The following PKDREJ variants were observed in gnomAD, a reference collection of about 807,000 sequenced individuals.
PKDREJ encodes polycystin family receptor for egg jelly, also known as PKD and REJ homolog.
For synonymous variants in PKDREJ, 1,031 were observed against 1,095.5 expected, an observed-to-expected ratio of 0.94 and a Z score of 1.16; for missense variants, 2,507 against 2,807.2, an observed-to-expected ratio of 0.89 and a Z score of 2.42.
Position 46,256,670 on chromosome 22 carries a change from T to G in PKDREJ, c.6653A>C (p.Glu2218Ala), listed in dbSNP as rs759617500. ...TSQSKAKDEP[E>A]FFIDMLYGQP... Reference sequence around the variant, plus strand: ...CCCATACAGCATGTCAATAAAGAACTCAGGCTCATCTTTGGCCTTAGATTG... The same window carrying G: ...CCCATACAGCATGTCAATAAAGAACGCAGGCTCATCTTTGGCCTTAGATTG... The change falls in exon 1 of 1, where the codon GAG (glutamate) becomes GCG (alanine). Residue 2218 changes from glutamate to alanine, a missense_variant. By Grantham distance (107) the Glu-to-Ala change is moderately radical (BLOSUM62 -1). Coordinates refer to ENST00000253255, the MANE Select transcript of PKDREJ (RefSeq NM_006071.2). This position sits in a 1 kb window ranked among gnomAD's most constrained non-coding sequence, Gnocchi z 5.3. 34 of 1,614,124 alleles carry G rather than the reference T, an allele frequency of 2.1e-5. No individual in the cohort carries two copies. The Admixed American group carries it at 5.2e-4, about 25-fold the overall frequency.
At position 46,259,812 on chromosome 22, in the gene PKDREJ, C is replaced by G. The variant is rs1047070112; in HGVS notation, c.3511G>C (p.Asp1171His). 6.2e-7 allele frequency: 1 copy of G among 1,613,758 alleles called. No individual in the cohort carries two copies. Among genetic ancestry groups the G allele is most frequent in the African/African-American group, 1.3e-5 (1 of 74,880 alleles). ...CTCTTGATGATGTTTAACCGTAGAT[C>G]CACAGGATTAGGGATCACAATCACC... ...AKVIVIPNPV[D>H]LRLNIIKSLH... Residue 1171 changes from aspartate (D) to histidine (H), a missense_variant, in exon 1 of 1, where the codon GAT becomes CAT. Asp to His is a moderately conservative substitution (Grantham distance 81). Transcript: ENST00000253255. This position sits in a 1 kb window ranked among gnomAD's most constrained non-coding sequence, Gnocchi z 6.8.
In PKDREJ at chr22:46,262,986, C is replaced by G; in HGVS notation, c.337G>C (p.Val113Leu). 1.9e-6 allele frequency: 2 copies of G among 1,075,566 alleles called. No homozygotes were observed. The highest frequency in any genetic ancestry group is 1.0e-4 in the Admixed American group (2 of 19,882). 66.6% of individuals were successfully genotyped at this position (1,075,566 alleles called of 1,614,324 possible). A position where few individuals can be genotyped will look rare whatever the true frequency, so the allele number is the denominator to read the frequency against. The change falls in exon 1 of 1, where the codon GTC becomes CTC. Residue 113 changes from valine (V) to leucine (L), a missense_variant. Physicochemically the swap from Val to Leu is conservative, Grantham distance 32 (BLOSUM62 1). Transcript: ENST00000253255. This position sits in a 1 kb window ranked among gnomAD's most constrained non-coding sequence, Gnocchi z 8.1. ...CCGCGCGCGGAGAGCTGCAGGTCGA[C>G]GAGCGCGAGCGCGGGCGCGGCCGGC... ...PWPAAPALALVDLQLSARGGR... is the reference protein window; with the variant it reads ...PWPAAPALALLDLQLSARGGR...
chr22:46,263,046 A>G lies in PKDREJ; in HGVS notation c.277T>C (p.Leu93=), dbSNP rs1936717587. 5 of 1,332,470 alleles carry G rather than the reference A, an allele frequency of 3.8e-6. No individual in the cohort carries two copies. Among genetic ancestry groups the G allele is most frequent in the Non-Finnish European group, 4.9e-6 (5 of 1,030,588 alleles). 82.5% of individuals were successfully genotyped at this position (1,332,470 alleles called of 1,614,324 possible). Residue 93 remains leucine, a synonymous_variant, in exon 1 of 1, where the codon TTG becomes CTG. Coordinates refer to ENST00000253255, the MANE Select transcript of PKDREJ (RefSeq NM_006071.2). The surrounding 1 kb of genome is among the most constrained non-coding windows in gnomAD (Gnocchi z 9.4). ...CGTTGGGCGCTGAGCAGGACGCGCA[A>G]GTCGAGGCAGTACCAGCGCCGCCCG... ...GTGRRWYCLD[L]RVLLSAQRLP...
Position 46,260,538 on chromosome 22 carries a change from A to C in PKDREJ, c.2785T>G (p.Ser929Ala), listed in dbSNP as rs763121619. The change falls in exon 1 of 1, where the codon TCT becomes GCT. Residue 929 changes from serine (S) to alanine (A), a missense_variant. Coordinates refer to ENST00000253255, the MANE Select transcript of PKDREJ (RefSeq NM_006071.2). The surrounding 1 kb of genome is among the most constrained non-coding windows in gnomAD (Gnocchi z 4.5). ...GCAACTCCTGTCATTCTGAATCCAG[A>C]CACCTCCACCGAAGTGTTTTCCTGA... ...NDQENTSVEVSGFRMTGVADN... is the reference protein window; with the variant it reads ...NDQENTSVEVAGFRMTGVADN... The C allele has an allele frequency of 1.2e-6, 2 of 1,614,148 alleles. No homozygotes were observed. Among genetic ancestry groups the C allele is most frequent in the Non-Finnish European group, 1.7e-6 (2 of 1,180,012 alleles).
rs769519129 is a variant in PKDREJ at position 46,261,915 on chromosome 22, A to G, written c.1408T>C (p.Phe470Leu). Residue 470 changes from phenylalanine (F) to leucine (L), a missense_variant, in exon 1 of 1, where the codon TTC becomes CTC. By Grantham distance (22) the Phe-to-Leu change is conservative. Transcript: ENST00000253255. The surrounding 1 kb of genome is among the most constrained non-coding windows in gnomAD (Gnocchi z 7.1). ...ITCIENCERN[F>L]IVSDRFSLFL... Reference sequence around the variant, plus strand: ...AAAGAAAATCTATCAGAGACAATGAAGTTTCTCTCACAATTTTCGATACAT... The same window carrying G: ...AAAGAAAATCTATCAGAGACAATGAGGTTTCTCTCACAATTTTCGATACAT... 1.1e-5 allele frequency: 18 copies of G among 1,614,032 alleles called. No homozygotes were observed. The highest frequency in any genetic ancestry group is 1.4e-5 in the Non-Finnish European group (17 of 1,180,044).
At position 46,262,984 on chromosome 22, in the gene PKDREJ, G is replaced by A; in HGVS notation, c.339C>T (p.Val113=). The A allele has an allele frequency of 8.4e-7, 1 of 1,197,368 alleles. No individual in the cohort carries two copies. The highest frequency in any genetic ancestry group is 1.0e-6 in the Non-Finnish European group (1 of 964,502). The allele number at this position is 1,197,368 out of a possible 1,614,324, so 74.2% of individuals were successfully genotyped here. A position where few individuals can be genotyped will look rare whatever the true frequency, so the allele number is the denominator to read the frequency against. The change falls in exon 1 of 1, where the codon GTC becomes GTT. Residue 113 remains valine (V), a synonymous_variant. Coordinates refer to ENST00000253255, the MANE Select transcript of PKDREJ (RefSeq NM_006071.2). The surrounding 1 kb of genome is among the most constrained non-coding windows in gnomAD (Gnocchi z 8.1). ...PWPAAPALAL[V]DLQLSARGGR... is the part of the protein sequence containing the mutation. The stretch of plus-strand genomic sequence containing the variant: ...CGCCGCGCGCGGAGAGCTGCAGGTC[G>A]ACGAGCGCGAGCGCGGGCGCGGCCG...
Position 46,262,724 on chromosome 22 carries a change from C to T in PKDREJ, c.599G>A (p.Ser200Asn). 6.2e-7 allele frequency: 1 copy of T among 1,610,090 alleles called. No homozygotes were observed. Among genetic ancestry groups the T allele is most frequent in the Non-Finnish European group, 8.5e-7 (1 of 1,178,720 alleles). ...RVMLQAVNSS[S>N]HRAVESSVSC... is the part of the protein sequence containing the mutation. ...CACGGACGACTCGACGGCTCTGTGG[C>T]TGGACGAGTTGACGGCCTGCAACAT... is the stretch of plus-strand genomic sequence containing the variant. The change falls in exon 1 of 1, where the codon AGC becomes AAC. Residue 200 changes from serine (S) to asparagine (N), a missense_variant. By Grantham distance (46) the Ser-to-Asn change is conservative (BLOSUM62 1). Coordinates refer to ENST00000253255, the MANE Select transcript of PKDREJ (RefSeq NM_006071.2). The surrounding 1 kb of genome is among the most constrained non-coding windows in gnomAD (Gnocchi z 8.1).
chr22:46,258,295 C>T lies in PKDREJ; in HGVS notation c.5028G>A (p.Gln1676=). 5 of 1,614,190 alleles carry T rather than the reference C, an allele frequency of 3.1e-6. No homozygotes were observed. Among genetic ancestry groups the T allele is most frequent in the Non-Finnish European group, 4.2e-6 (5 of 1,180,036 alleles). The change falls in exon 1 of 1, where the codon CAG becomes CAA. Residue 1676 remains glutamine, a synonymous_variant. Transcript: ENST00000253255. This position sits in a 1 kb window ranked among gnomAD's most constrained non-coding sequence, Gnocchi z 6.1. ...HPEEMQRIHD[Q]IVRIRGTRMY... ...TCCTCGTGCCTCGGATTCGGACGAT[C>T]TGGTCATGTATCCTCTGCATTTCTT...
At position 46,259,102 on chromosome 22, in the gene PKDREJ, G is replaced by T. The variant is rs1312800253; in HGVS notation, c.4221C>A (p.Phe1407Leu). The stretch of plus-strand genomic sequence containing the variant: ...TTTGTTCTTGTCTATTTAGATTAAA[G>T]AACATAATGTTACAAAGAAGAGAGC... ...LLSSLLCNIM[F>L]FNLNRQEQTE... Residue 1407 changes from phenylalanine to leucine, a missense_variant, in exon 1 of 1, where the codon TTC becomes TTA. Physicochemically the swap from Phe to Leu is conservative, Grantham distance 22. Coordinates refer to ENST00000253255, the MANE Select transcript of PKDREJ (RefSeq NM_006071.2). The surrounding 1 kb of genome is among the most constrained non-coding windows in gnomAD (Gnocchi z 6.8). The T allele has an allele frequency of 1.2e-5, 20 of 1,613,288 alleles. No individual in the cohort carries two copies. The highest frequency in any genetic ancestry group is 1.6e-5 in the Non-Finnish European group (19 of 1,179,520).
rs1375658882 is a variant in PKDREJ at position 46,263,105 on chromosome 22, C to T, written c.218G>A (p.Gly73Asp). The change falls in exon 1 of 1, where the codon GGC (glycine) becomes GAC (aspartate). Residue 73 changes from glycine to aspartate, a missense_variant. By Grantham distance (94) the Gly-to-Asp change is moderately conservative (BLOSUM62 -1). Transcript: ENST00000253255. This position sits in a 1 kb window ranked among gnomAD's most constrained non-coding sequence, Gnocchi z 9.4. Reference sequence around the variant, plus strand: ...ATGGGGGAAGCAGAGGCTGCCGCGGCCGCTCAGGACAGCGCCGCCCGCCCG... The same window carrying T: ...ATGGGGGAAGCAGAGGCTGCCGCGGTCGCTCAGGACAGCGCCGCCCGCCCG... ...AVRAGGAVLS[G>D]RGSLCFPHGG... 7.7e-7 allele frequency: 1 copy of T among 1,299,898 alleles called. No individual in the cohort carries two copies. The highest frequency in any genetic ancestry group is 9.8e-7 in the Non-Finnish European group (1 of 1,016,212). The allele number at this position is 1,299,898 out of a possible 1,614,324, so 80.5% of individuals were successfully genotyped here.
At position 46,261,131 on chromosome 22, in the gene PKDREJ, ACT is replaced by A; in HGVS notation, c.2190_2191del (p.Arg730SerfsTer38). 6.2e-7 allele frequency: 1 copy of A among 1,613,698 alleles called. No individual in the cohort carries two copies. The highest frequency in any genetic ancestry group is 8.5e-7 in the Non-Finnish European group (1 of 1,179,698). ...ATCGATGAGGTGTTTTCGGAGATTG[ACT>A]CTGTCATCTCGGAGAGGTAATTCAG... On this transcript the variant is annotated frameshift_variant, in exon 1 of 1. Coordinates refer to ENST00000253255, the MANE Select transcript of PKDREJ (RefSeq NM_006071.2). LOFTEE classifies it low-confidence loss of function (END_TRUNC). The surrounding 1 kb of genome is among the most constrained non-coding windows in gnomAD (Gnocchi z 7.1).
chr22:46,256,861 A>G lies in PKDREJ; in HGVS notation c.6462T>C (p.Ser2154=). The G allele has an allele frequency of 1.2e-6, 2 of 1,614,106 alleles. No individual in the cohort carries two copies. Among genetic ancestry groups the G allele is most frequent in the Non-Finnish European group, 1.7e-6 (2 of 1,180,040 alleles). The change falls in exon 1 of 1, where the codon TCT becomes TCC. Residue 2154 remains serine (S), a synonymous_variant. Coordinates refer to ENST00000253255, the MANE Select transcript of PKDREJ (RefSeq NM_006071.2). This position sits in a 1 kb window ranked among gnomAD's most constrained non-coding sequence, Gnocchi z 5.3. ...NRILGVLFLS[S]FMLVMICVLI... is the part of the protein sequence containing the mutation. Reference sequence around the variant, plus strand: ...AGACGCAGATCATCACCAGCATGAAAGATGAGAGGAACAGGACCCCCAGAA... The same window carrying G: ...AGACGCAGATCATCACCAGCATGAAGGATGAGAGGAACAGGACCCCCAGAA...
At position 46,258,699 on chromosome 22, in the gene PKDREJ, T is replaced by C; in HGVS notation, c.4624A>G (p.Asn1542Asp). ...ETLGPNTNSN[N>D]NIEDDQDVHS... ...ACATCCTGATCATCTTCTATGTTGT[T>C]ATTGGAATTTGTATTTGGCCCGAGG... Residue 1542 changes from asparagine to aspartate, a missense_variant, in exon 1 of 1, where the codon AAC becomes GAC. By Grantham distance (23) the Asn-to-Asp change is conservative. Coordinates refer to ENST00000253255, the MANE Select transcript of PKDREJ (RefSeq NM_006071.2). The surrounding 1 kb of genome is among the most constrained non-coding windows in gnomAD (Gnocchi z 6.1). The C allele has an allele frequency of 6.2e-7, 1 of 1,614,212 alleles. No homozygotes were observed. The highest frequency in any genetic ancestry group is 8.5e-7 in the Non-Finnish European group (1 of 1,180,028).
Position 46,259,528 on chromosome 22 carries a change from A to G in PKDREJ, c.3795T>C (p.Cys1265=). The change falls in exon 1 of 1, where the codon TGT becomes TGC. Residue 1265 remains cysteine, a synonymous_variant. Transcript: ENST00000253255. The surrounding 1 kb of genome is among the most constrained non-coding windows in gnomAD (Gnocchi z 6.8). ...RGTVSTSDVH[C]LSHPHFTTLY... is the part of the protein sequence containing the mutation. ...GAGTTGTGAAATGTGGATGGCTTAA[A>G]CAATGCACGTCGCTGGTACTCACAG... The G allele has an allele frequency of 6.2e-7, 1 of 1,614,222 alleles. No homozygotes were observed. Among genetic ancestry groups the G allele is most frequent in the Non-Finnish European group, 8.5e-7 (1 of 1,180,030 alleles).
chr22:46,260,019 C>G lies in PKDREJ; in HGVS notation c.3304G>C (p.Val1102Leu), dbSNP rs537416568. The G allele has an allele frequency of 2.5e-6, 4 of 1,614,004 alleles. No individual in the cohort carries two copies. In the African/African-American group the frequency reaches 5.3e-5, roughly 22 times the overall value. ...DKLVRISIFS[V>L]QCLDMYGIQS... ...ATCCCATACATGTCCAAGCACTGGA[C>G]GCTGAAAATAGAAATTCTCACTAGC... The change falls in exon 1 of 1, where the codon GTC becomes CTC. Residue 1102 changes from valine (V) to leucine (L), a missense_variant. Val to Leu is a conservative substitution (Grantham distance 32, BLOSUM62 1). Transcript: ENST00000253255. This position sits in a 1 kb window ranked among gnomAD's most constrained non-coding sequence, Gnocchi z 4.5.
rs1601855708 is a variant in PKDREJ at position 46,260,984 on chromosome 22, C to G, written c.2339G>C (p.Arg780Thr). Residue 780 changes from arginine (R) to threonine (T), a missense_variant, in exon 1 of 1, where the codon AGG becomes ACG. Transcript: ENST00000253255. The surrounding 1 kb of genome is among the most constrained non-coding windows in gnomAD (Gnocchi z 4.5). ...TAGGGCTTGATTTGCTTGCCATACCCTCATGGTGGCACGTTTCTGAGCATC... is the reference window on the plus strand; with the variant it reads ...TAGGGCTTGATTTGCTTGCCATACCGTCATGGTGGCACGTTTCTGAGCATC... ...TWDAQKRATM[R>T]VWQANQALQE... is the part of the protein sequence containing the mutation. 1 of 1,614,134 alleles carries G rather than the reference C, an allele frequency of 6.2e-7. No homozygotes were observed. Among genetic ancestry groups the G allele is most frequent in the Admixed American group, 1.7e-5 (1 of 60,024 alleles).
rs550522880 is a variant in PKDREJ, at chr22:46,257,896, G to A, written c.5427C>T (p.Ala1809=). The change falls in exon 1 of 1, where the codon GCC becomes GCT. Residue 1809 remains alanine (A), a synonymous_variant. Transcript: ENST00000253255. This position sits in a 1 kb window ranked among gnomAD's most constrained non-coding sequence, Gnocchi z 4.7. ...TGATGCTGTTTTGCACAAACTTTTC[G>A]GCAGGTAGACACATTTTTTCACTAG... ...AKSSEKMCLP[A]EKFVQNSIRR... 6.2e-6 allele frequency: 10 copies of A among 1,613,988 alleles called. No homozygotes were observed. The highest frequency in any genetic ancestry group is 3.3e-5 in the South Asian group (3 of 91,036).
chr22:46,261,189 T>C lies in PKDREJ; in HGVS notation c.2134A>G (p.Ile712Val). 1.9e-6 allele frequency: 3 copies of C among 1,614,126 alleles called. No individual in the cohort carries two copies. The highest frequency in any genetic ancestry group is 1.7e-6 in the Non-Finnish European group (2 of 1,180,020). Reference sequence around the variant, plus strand: ...ATGTTATTCAAAACGGAAGCTACTATATACAGTAAGTAACCTGCAGGTAAA... The same window carrying C: ...ATGTTATTCAAAACGGAAGCTACTACATACAGTAAGTAACCTGCAGGTAAA... ...DFLPAGYLLY[I>V]VASVLNNMKT... The change falls in exon 1 of 1, where the codon ATA becomes GTA. Residue 712 changes from isoleucine to valine, a missense_variant. By Grantham distance (29) the Ile-to-Val change is conservative. Transcript: ENST00000253255. The surrounding 1 kb of genome is among the most constrained non-coding windows in gnomAD (Gnocchi z 7.1).
Position 46,259,477 on chromosome 22 carries a change from G to A in PKDREJ, c.3846C>T (p.Phe1282=), listed in dbSNP as rs141931711. 4.8e-4 allele frequency: 782 copies of A among 1,614,186 alleles called. No individual in the cohort carries two copies. The highest frequency in any genetic ancestry group is 1.7e-3 in the Middle Eastern group (10 of 6,060). ...TTLYRGSINT[F]LLTTKSDLGD... ...CCAAGTCACTTTTTGTCGTTAGGAG[G>A]AAAGTGTTGATGCTACCTCGGTAGA... The change falls in exon 1 of 1, where the codon TTC becomes TTT. Residue 1282 remains phenylalanine, a synonymous_variant. Coordinates refer to ENST00000253255, the MANE Select transcript of PKDREJ (RefSeq NM_006071.2). The surrounding 1 kb of genome is among the most constrained non-coding windows in gnomAD (Gnocchi z 6.8).
Sources: allele counts gnomAD v4.1 joint callset, GRCh38; gene constraint gnomAD v4.1.1; non-coding constraint Gnocchi (gnomAD v3.1); transcripts MANE v1.5; gene names NCBI Gene and HGNC (gene_info 2026-07-23, HGNC 2026-07-21).